The following MAGI1 variants were observed in gnomAD, a reference collection of about 807,000 sequenced individuals.
MAGI1 encodes the protein membrane-associated guanylate kinase, WW and PDZ domain-containing protein 1.
MAGI1 carries 58 observed loss-of-function variants against 139.9 expected under a neutral mutation model. The observed-to-expected ratio is 0.41, with a 90% CI of 0.34 to 0.52. The LOEUF is 0.52. Among genes scored for constraint, MAGI1 ranks in the 20% least tolerant of loss-of-function variants. MAGI1 has a pLI of 0.12. For synonymous variants in MAGI1, 812 were observed against 737.9 expected (o/e 1.10, Z -1.63); for missense variants, 1,874 against 1,901.6 (o/e 0.99, Z 0.27).
intron 14 of MAGI1, 35 bp downstream of exon 14, chr3:65,391,107 G>C (rs764258414): frequency 1.3e-6 from 2 of 1,559,588 alleles, no homozygotes; most frequent in Non-Finnish European, 1.8e-6. Flanking sequence ...CCTGCGGAGG[G>C]GTCAGGGTAA....
At chr3:65,727,809 G>C (rs1334417002) in intron 1 of MAGI1, among the ~76,000 whole-genome samples, 1 of 152,152 alleles carries the variant, frequency 6.6e-6, no homozygotes, top group East Asian at 1.9e-4. Flanking sequence ...GCAAGACGGA[G>C]CTTCTATTTT....
chr3:65,360,219 G>A (rs1012924561), intron 22 of MAGI1: 1 of 985,210 alleles, frequency 1.0e-6, no homozygotes, highest in African/African-American at 1.7e-5. Flanking sequence ...TTTCAGAAAA[G>A]AGGGTGATAA....
At chr3:65,526,782 T>TG (rs546542655) in intron 2 of MAGI1, among the ~76,000 whole-genome samples, 102 of 152,246 alleles carry the variant, frequency 6.7e-4, no homozygotes, top group Non-Finnish European at 1.0e-3. Context: ...ACTGACATTG[T>TG]GGGTAACTTG....
chr3:65,455,436 C>T (rs1362148763), intron 5 of MAGI1, among the ~76,000 whole-genome samples: 8 of 152,176 alleles, frequency 5.3e-5, no homozygotes, highest in Non-Finnish European at 8.8e-5. Flanking sequence ...TAGCGCTGGG[C>T]GGGGTGGTAC....
chr3:65,521,606 A>G (rs1012750128), intron 2 of MAGI1, among the ~76,000 whole-genome samples: 4 of 152,188 alleles, frequency 2.6e-5, no homozygotes, highest in African/African-American at 9.6e-5. Context: ...AAAACTCACT[A>G]TTTTAATGTA....
chr3:65,930,959 A>C (rs2062779940), intron 1 of MAGI1, among the ~76,000 whole-genome samples: 1 of 152,172 alleles, frequency 6.6e-6, no homozygotes, highest in African/African-American at 2.4e-5. Context: ...ATCAAGAAGT[A>C]AACATAAAAA....
chr3:65,663,477 TC>T (rs1444653669), intron 1 of MAGI1, among the ~76,000 whole-genome samples: 16 of 152,130 alleles, frequency 1.1e-4, no homozygotes, highest in Non-Finnish European at 2.2e-4. Context: ...AAAAATAAAA[TC>T]AGAACGGAGA....
At chr3:66,000,020 T>TG (rs1344500501) in intron 1 of MAGI1, among the ~76,000 whole-genome samples, 2 of 137,992 alleles carry the variant, frequency 1.4e-5, no homozygotes, top group South Asian at 4.8e-4. Context: ...TCCCCCAGGC[T>TG]GGAGTGCAGT....
chr3:66,028,153 T>C (rs2068395272), intron 1 of MAGI1, among the ~76,000 whole-genome samples: 1 of 151,758 alleles, frequency 6.6e-6, no homozygotes, highest in African/African-American at 2.4e-5. Flanking sequence ...AACAAACAAA[T>C]AGCCAGGTGT....
At chr3:65,697,668 T>C (rs1414075966) in intron 1 of MAGI1, among the ~76,000 whole-genome samples, 1 of 108,214 alleles carries the variant, frequency 9.2e-6, no homozygotes, top group African/African-American at 4.6e-5. Context: ...TTGACAAAAT[T>C]CAATAACCCT....
chr3:65,610,960 T>TAGGA (rs1559718672), intron 2 of MAGI1, among the ~76,000 whole-genome samples: 1 of 133,560 alleles, frequency 7.5e-6, no homozygotes, highest in African/African-American at 2.8e-5. Context: ...ATATACTATA[T>TAGGA]AGTATATAGA....
intron 2 of MAGI1, among the ~76,000 whole-genome samples, chr3:65,567,065 C>A (rs965611976): frequency 1.6e-5 from 2 of 125,084 alleles, no homozygotes; most frequent in Non-Finnish European, 3.4e-5. Flanking sequence ...GACATACAGA[C>A]ACTTTTAAGT....
At chr3:65,786,952 A>G (rs530097932) in intron 1 of MAGI1, among the ~76,000 whole-genome samples, 67 of 152,114 alleles carry the variant, frequency 4.4e-4, no homozygotes, top group African/African-American at 1.5e-3. Context: ...CATCTCTCTC[A>G]TTGTGTTACC....
chr3:65,570,165 C>T (rs1397419130), intron 2 of MAGI1, among the ~76,000 whole-genome samples: 1 of 150,514 alleles, frequency 6.6e-6, no homozygotes, highest in Admixed American at 6.6e-5. Flanking sequence ...TACAGTGGTG[C>T]GATCTTGGCT....
chr3:65,419,429 C>G (rs1028869912), intron 12 of MAGI1, among the ~76,000 whole-genome samples: 1 of 152,098 alleles, frequency 6.6e-6, no homozygotes, highest in Non-Finnish European at 1.5e-5. Context: ...CTGGGTGTAG[C>G]CCAATACATT....
intron 2 of MAGI1, among the ~76,000 whole-genome samples, chr3:65,610,926 TAG>T (rs2083048896): frequency 7.2e-6 from 1 of 138,348 alleles, no homozygotes; most frequent in Non-Finnish European, 1.5e-5. Flanking sequence ...CACTATATAG[TAG>T]ATAGTATATA....
chr3:65,550,440 C>A (rs1045411457), intron 2 of MAGI1, among the ~76,000 whole-genome samples: 2 of 152,320 alleles, frequency 1.3e-5, no homozygotes, highest in African/African-American at 4.8e-5. Flanking sequence ...CTCACCTCTT[C>A]ACTGGCAAGA....
intron 2 of MAGI1, among the ~76,000 whole-genome samples, chr3:65,514,779 T>C (rs1383438469): frequency 7.1e-6 from 1 of 140,362 alleles, no homozygotes; most frequent in Non-Finnish European, 1.6e-5. Flanking sequence ...GAATTAGAAA[T>C]ACCATTTGAC....
At chr3:65,477,204 T>C (rs894789641) in intron 4 of MAGI1, among the ~76,000 whole-genome samples, 5 of 152,230 alleles carry the variant, frequency 3.3e-5, no homozygotes, top group Non-Finnish European at 5.9e-5. Context: ...ATCCAAAAAA[T>C]TTTATTTCCA....
Sources: allele counts gnomAD v4.1 joint callset (sites outside exome capture counted in the v4.1 genomes callset), GRCh38; gene constraint gnomAD v4.1.1; transcripts MANE v1.5; gene names NCBI Gene and HGNC (gene_info 2026-07-23, HGNC 2026-07-21).